ASTN1: variants seen among roughly 807,000 people sequenced by gnomAD.
ASTN1 encodes astrotactin-1.
Under a neutral mutation model 140.7 loss-of-function variants are expected in ASTN1, and 41 were observed. The ratio of observed to expected loss-of-function variants is 0.29; its 90% CI spans 0.23 to 0.38. The LOEUF (loss-of-function observed/expected upper bound fraction) is 0.38, where lower values mean the gene tolerates loss of function less well. Ranked by LOEUF, ASTN1 falls within the 10% of genes least tolerant of loss-of-function variation. ASTN1 has a pLI of 1.00. For synonymous variants in ASTN1, 640 were observed against 652.2 expected (o/e 0.98, Z 0.29); for missense variants, 1,479 against 1,678.8 (o/e 0.88, Z 2.08).
chr1:177,140,987 C>A (rs1173483406), intron 1 of ASTN1, among the ~76,000 whole-genome samples: 2 of 152,246 alleles, frequency 1.3e-5, no homozygotes, highest in Admixed American at 1.3e-4. Context: ...GAGGCCAAGG[C>A]GGGCAGATCA....
At chr1:177,085,510 A>G (rs1679422113) in intron 1 of ASTN1, among the ~76,000 whole-genome samples, 1 of 152,132 alleles carries the variant, frequency 6.6e-6, no homozygotes, top group Non-Finnish European at 1.5e-5. Context: ...TCCAGTGACA[A>G]GATCATCTAT....
intron 1 of ASTN1, among the ~76,000 whole-genome samples, chr1:177,111,244 T>G (rs1680810958): frequency 6.6e-6 from 1 of 152,240 alleles, no homozygotes. Flanking sequence ...AGTTAGAATT[T>G]TTTTTTACAT....
chr1:177,090,952 C>T (rs1281802313), intron 1 of ASTN1, among the ~76,000 whole-genome samples: 1 of 151,682 alleles, frequency 6.6e-6, no homozygotes, highest in Non-Finnish European at 1.5e-5. Context: ...GGCTGGGGGG[C>T]TAAACACAAA....
intron 1 of ASTN1, among the ~76,000 whole-genome samples, chr1:177,153,669 G>A (rs996425484): frequency 1.3e-5 from 2 of 152,042 alleles, no homozygotes; most frequent in African/African-American, 4.8e-5. Flanking sequence ...AAGTCAAAAA[G>A]AAATAATTAA....
chr1:176,867,076 C>T (rs905349639), intron 22 of ASTN1, among the ~76,000 whole-genome samples: 6 of 151,878 alleles, frequency 4.0e-5, no homozygotes, highest in East Asian at 1.9e-4. Flanking sequence ...GTGCAGTCAG[C>T]GGTGGCCTTA....
intron 14 of ASTN1, among the ~76,000 whole-genome samples, chr1:176,942,013 T>C (rs990402161): frequency 6.6e-6 from 1 of 152,214 alleles, no homozygotes; most frequent in Non-Finnish European, 1.5e-5. Flanking sequence ...TAATATTTCA[T>C]AGGGCAACTG....
downstream of ASTN1, among the ~76,000 whole-genome samples, chr1:176,858,882 T>C (rs1236227044): frequency 2.0e-5 from 3 of 152,210 alleles, no homozygotes; most frequent in African/African-American, 7.2e-5. Flanking sequence ...GTGTAAGGGT[T>C]TGTGTCAGAC....
At chr1:177,092,247 G>A (rs924945074) in intron 1 of ASTN1, among the ~76,000 whole-genome samples, 2 of 152,146 alleles carry the variant, frequency 1.3e-5, no homozygotes, top group Non-Finnish European at 2.9e-5. Flanking sequence ...ATTTTCTAAT[G>A]ACTAAGGATG....
At position 177,032,453 on chromosome 1, in the gene ASTN1, C is replaced by T; in HGVS notation, c.865+3G>A. On this transcript the variant is annotated splice_donor_region_variant and intron_variant, in intron 3 of 22. Transcript: ENST00000361833. ...CAGCCCCTTGCCTTTCTCCCATCCC[C>T]ACCTGGTGTGAGGTCCATCCCCGAC... is the stretch of plus-strand genomic sequence containing the variant. 1 of 1,612,316 alleles carries T rather than the reference C, an allele frequency of 6.2e-7. No homozygotes were observed. Among genetic ancestry groups the T allele is most frequent in the Non-Finnish European group, 8.5e-7 (1 of 1,178,958 alleles).
intron 7 of ASTN1, among the ~76,000 whole-genome samples, chr1:177,019,544 A>G (rs1675714805): frequency 1.3e-5 from 2 of 152,342 alleles, no homozygotes; most frequent in African/African-American, 4.8e-5. Context: ...AATGGCAGGC[A>G]TACCTTGGGG....
intron 1 of ASTN1, among the ~76,000 whole-genome samples, chr1:177,075,195 T>C (rs1039203681): frequency 3.3e-5 from 5 of 152,126 alleles, no homozygotes; most frequent in African/African-American, 1.2e-4. Flanking sequence ...TGCCTCACCC[T>C]CCTGAGTAGC....
At chr1:177,108,636 G>A (rs769102113) in intron 1 of ASTN1, among the ~76,000 whole-genome samples, 10 of 152,116 alleles carry the variant, frequency 6.6e-5, no homozygotes, top group Non-Finnish European at 8.8e-5. Context: ...GGGCAGGTGG[G>A]TTGCTTCCAC....
intron 7 of ASTN1, among the ~76,000 whole-genome samples, chr1:177,018,376 A>G (rs1395456021): frequency 6.6e-6 from 1 of 152,176 alleles, no homozygotes; most frequent in Non-Finnish European, 1.5e-5. Flanking sequence ...ACAAACAAAC[A>G]AAAACAGGGA....
chr1:177,125,910 C>A (rs112352619), intron 1 of ASTN1, among the ~76,000 whole-genome samples: 2,400 of 152,288 alleles, frequency 0.016, 22 homozygotes, highest in South Asian at 0.026. Context: ...ATAATACTCT[C>A]TTTCATTTCT....
chr1:177,061,670 A>G (rs1167040641), intron 1 of ASTN1, among the ~76,000 whole-genome samples: 1 of 152,186 alleles, frequency 6.6e-6, no homozygotes, highest in African/African-American at 2.4e-5. Flanking sequence ...ATTCCTAGAC[A>G]TACCAGTAAA....
rs1356115368 is a variant in ASTN1, at chr1:176,945,935, C to T, written c.2240G>A (p.Gly747Glu). The change falls in exon 13 of 23, where the codon GGA (glycine) becomes GAA (glutamate). Residue 747 changes from glycine (G) to glutamate (E), a missense_variant. By Grantham distance (98) the Gly-to-Glu change is moderately conservative (BLOSUM62 -2). Transcript: ENST00000361833. ...TGTATATGAGGTTTACCTGAATGTT[C>T]CTTTCAGCACCTGTCCGGCAGCCAC... The part of the protein sequence containing the change: ...KEVAAGQVLK[G>E]TFRQNNFARG... The T allele has an allele frequency of 1.2e-6, 2 of 1,609,064 alleles. No homozygotes were observed.
intron 21 of ASTN1, among the ~76,000 whole-genome samples, chr1:176,871,120 T>C (rs1668324151): frequency 6.6e-6 from 1 of 152,184 alleles, no homozygotes; most frequent in Admixed American, 6.5e-5. Context: ...AAATCTGGGA[T>C]GACTCTCTCT....
At chr1:176,922,087 C>T (rs867062003) in intron 16 of ASTN1, among the ~76,000 whole-genome samples, 17 of 152,176 alleles carry the variant, frequency 1.1e-4, no homozygotes, top group Admixed American at 3.3e-4. Context: ...AATTGTTGAC[C>T]CCCTTATGCC....
intron 1 of ASTN1, among the ~76,000 whole-genome samples, chr1:177,131,748 A>G (rs1023424059): frequency 6.6e-6 from 1 of 152,202 alleles, no homozygotes. Flanking sequence ...TATTTGGCTC[A>G]TGGTTCTGGT....
Sources: gnomAD v4.1 joint callset for allele counts (sites outside exome capture counted in the v4.1 genomes callset) on GRCh38, gnomAD v4.1.1 for gene constraint, MANE v1.5 for transcripts, NCBI Gene and HGNC (gene_info 2026-07-23, HGNC 2026-07-21) for gene names.